Variants in CKAP2L observed in about 807,000 individuals in gnomAD.
CKAP2L encodes the protein cytoskeleton associated protein 2L.
In CKAP2L, 42 loss-of-function variants were observed where a neutral mutation model predicts 65.7. The ratio of observed to expected loss-of-function variants is 0.64; its 90% confidence interval spans 0.50 to 0.83. The LOEUF (loss-of-function observed/expected upper bound fraction) is 0.83, where lower values mean the gene tolerates loss of function less well. Ranked by LOEUF, CKAP2L falls within the 40% of genes least tolerant of loss-of-function variation. The pLI is 0.00. For missense variants in CKAP2L, 908 were observed against 871.0 expected (o/e 1.04, Z -0.53); for synonymous variants, 325 against 313.5 (o/e 1.04, Z -0.39).
At chr2:112,739,119 T>G in intron 8 of CKAP2L, 71 bp from the exon 9 acceptor site, 3 of 1,190,114 alleles carry the variant, frequency 2.5e-6, no homozygotes, top group Non-Finnish European at 3.6e-6. Context: ...TTTTTGTTTC[T>G]TATTCAATAA....
intron 1 of CKAP2L, chr2:112,764,140 C>A (rs558340141): frequency 1.7e-5 from 4 of 231,330 alleles, no homozygotes; most frequent in African/African-American, 6.9e-5. Flanking sequence ...CCGCCAGAGG[C>A]AGGAGACCCG....
Position 112,756,467 on chromosome 2 carries a change from C to G in CKAP2L, c.904G>C (p.Asp302His), listed in dbSNP as rs753907689. The G allele has an allele frequency of 6.8e-6, 11 of 1,611,666 alleles. No individual in the cohort carries two copies. Among genetic ancestry groups the G allele is most frequent in the Non-Finnish European group, 9.3e-6 (11 of 1,179,214 alleles). The change falls in exon 4 of 9, where the codon GAT becomes CAT. Residue 302 changes from aspartate (D) to histidine (H), a missense_variant. Transcript: ENST00000302450. ...TATTGACTCCTATTAACCTTTATATCTTTGATGTTCTTGACTACTGGTTTC... is the reference window on the plus strand; with the variant it reads ...TATTGACTCCTATTAACCTTTATATGTTTGATGTTCTTGACTACTGGTTTC... Reference protein sequence around the residue: ...SKKPVVKNIKDIKVNRSQYER... With the variant: ...SKKPVVKNIKHIKVNRSQYER...
At chr2:112,762,078 A>G (rs1680738373) in intron 2 of CKAP2L, among the ~76,000 whole-genome samples, 1 of 152,230 alleles carries the variant, frequency 6.6e-6, no homozygotes, top group Non-Finnish European at 1.5e-5. Context: ...AGAATGACCC[A>G]AGAGCAGAGG....
chr2:112,757,887 A>C (rs971508998), intron 3 of CKAP2L, among the ~76,000 whole-genome samples: 53 of 152,222 alleles, frequency 3.5e-4, no homozygotes, highest in Non-Finnish European at 6.5e-4. Context: ...TACATAATGA[A>C]CTTATGTTAG....
intron 4 of CKAP2L, among the ~76,000 whole-genome samples, chr2:112,755,533 G>C (rs1000933725): frequency 6.6e-6 from 1 of 152,042 alleles, no homozygotes; most frequent in African/African-American, 2.4e-5. Flanking sequence ...CAGACTCACG[G>C]AAGTTTCTGG....
intron 8 of CKAP2L, among the ~76,000 whole-genome samples, chr2:112,739,492 A>T (rs1448032454): frequency 6.6e-6 from 1 of 152,180 alleles, no homozygotes; most frequent in Non-Finnish European, 1.5e-5. Flanking sequence ...TGGTGTAAGC[A>T]TAAGGATTTA....
chr2:112,764,449 T>C (rs1435358999), intron 1 of CKAP2L, 113 bp downstream of exon 1: 31 of 1,207,530 alleles, frequency 2.6e-5, no homozygotes, highest in Non-Finnish European at 3.6e-5. Context: ...CAGGGGAAAC[T>C]TAGGCAGGCG....
chr2:112,737,547 G>A lies in CKAP2L; in HGVS notation c.*1276C>T, dbSNP rs909496313. ...TCTTCTTTGGAGAAATGTCTGCTCA[G>A]GTCCTTTGCCCATTTTTAATTATTA... On this transcript the variant is annotated 3_prime_UTR_variant, in exon 9 of 9. Coordinates refer to ENST00000302450, the MANE Select transcript of CKAP2L (RefSeq NM_152515.5). The A allele has an allele frequency of 5.3e-5, 8 of 152,104 alleles. No individual in the cohort carries two copies. The highest frequency in any genetic ancestry group is 1.2e-4 in the Non-Finnish European group (8 of 68,022). The allele number at this position is 152,104 out of a possible 1,614,324, so 9.4% of individuals were successfully genotyped here. A position where few individuals can be genotyped will look rare whatever the true frequency, so the allele number is the denominator to read the frequency against.
At chr2:112,753,526 C>CTTTTTTTTTTT (rs59027525) in intron 4 of CKAP2L, among the ~76,000 whole-genome samples, 16 of 100,392 alleles carry the variant, frequency 1.6e-4, no homozygotes, top group South Asian at 3.5e-4. Context: ...AGTTTCTTTT[C>CTTTTTTTTTTT]TTTTTTTTTT....
At position 112,740,833 on chromosome 2, in the gene CKAP2L, A is replaced by C; in HGVS notation, c.1997T>G (p.Ile666Ser). 6.2e-7 allele frequency: 1 copy of C among 1,611,074 alleles called. No individual in the cohort carries two copies. The highest frequency in any genetic ancestry group is 8.5e-7 in the Non-Finnish European group (1 of 1,177,530). Reference protein sequence around the residue: ...QHNYPGIKLQIGPIPRINGMP... With the variant: ...QHNYPGIKLQSGPIPRINGMP... The stretch of plus-strand genomic sequence containing the variant: ...GTTTGCTTACCTAGGGATTGGACCA[A>C]TCTGTAATTTGATACCAGGATAATT... Residue 666 changes from isoleucine to serine, a missense_variant, in exon 8 of 9, where the codon ATT becomes AGT. Coordinates refer to ENST00000302450, the MANE Select transcript of CKAP2L (RefSeq NM_152515.5).
chr2:112,750,198 A>T (rs1281516093), intron 5 of CKAP2L, among the ~76,000 whole-genome samples: 1 of 152,148 alleles, frequency 6.6e-6, no homozygotes, highest in Non-Finnish European at 1.5e-5. Flanking sequence ...AGTGGGTACA[A>T]GCTGCTTCCT....
intron 4 of CKAP2L, among the ~76,000 whole-genome samples, chr2:112,752,953 C>T (rs1477821934): frequency 1.3e-5 from 2 of 152,192 alleles, no homozygotes; most frequent in Non-Finnish European, 2.9e-5. Flanking sequence ...CTTGACCAGA[C>T]ATGACTCTTT....
At chr2:112,747,607 G>GT (rs1680241394) in intron 5 of CKAP2L, among the ~76,000 whole-genome samples, 1 of 151,982 alleles carries the variant, frequency 6.6e-6, no homozygotes, top group Non-Finnish European at 1.5e-5. Context: ...GGCTTGTGCC[G>GT]TAAGCAGGAC....
At chr2:112,764,459 G>A in intron 1 of CKAP2L, 103 bp downstream of exon 1, 2 of 1,296,210 alleles carry the variant, frequency 1.5e-6, no homozygotes, top group South Asian at 1.2e-5. Context: ...TTAGGCAGGC[G>A]AGCGGACGGG....
intron 5 of CKAP2L, among the ~76,000 whole-genome samples, chr2:112,748,811 G>A (rs1680281596): frequency 6.6e-6 from 1 of 151,264 alleles, no homozygotes; most frequent in African/African-American, 2.4e-5. Context: ...GTTGCAGTGA[G>A]CTATGATGGC....
rs1307752305 is a variant in CKAP2L at position 112,741,131 on chromosome 2, T to C, written c.1823-124A>G. On this transcript the variant is annotated intron_variant, in intron 7 of 8. Coordinates refer to ENST00000302450, the MANE Select transcript of CKAP2L (RefSeq NM_152515.5). ...AGTGATCTTCATGGGCTCCACATAC[T>C]GAATAGTGATTGATTTGAAGTGTGA... The C allele has an allele frequency of 8.8e-6, 6 of 684,264 alleles. No homozygotes were observed. In the East Asian group the frequency reaches 1.6e-4, roughly 18 times the overall value. 42.4% of individuals were successfully genotyped at this position (684,264 alleles called of 1,614,324 possible). A position where few individuals can be genotyped will look rare whatever the true frequency, so the allele number is the denominator to read the frequency against.
chr2:112,751,246 A>G (rs1005874136), intron 5 of CKAP2L, among the ~76,000 whole-genome samples: 4 of 152,248 alleles, frequency 2.6e-5, no homozygotes, highest in Non-Finnish European at 5.9e-5. Flanking sequence ...TCAGCATAAC[A>G]TTGGTACTAG....
At chr2:112,747,461 A>C (rs1401849913) in intron 5 of CKAP2L, among the ~76,000 whole-genome samples, 1 of 152,218 alleles carries the variant, frequency 6.6e-6, no homozygotes, top group Non-Finnish European at 1.5e-5. Flanking sequence ...TAGCAGTGTA[A>C]AGAATGACAC....
chr2:112,743,529 C>T (rs571286342), intron 6 of CKAP2L, among the ~76,000 whole-genome samples: 94 of 152,210 alleles, frequency 6.2e-4, no homozygotes, highest in African/African-American at 2.2e-3. Flanking sequence ...ACTCCACTTC[C>T]AGGGTTCAAG....
Sources: allele counts gnomAD v4.1 joint callset (sites outside exome capture counted in the v4.1 genomes callset), GRCh38; gene constraint gnomAD v4.1.1; transcripts MANE v1.5; gene names NCBI Gene and HGNC (gene_info 2026-07-23, HGNC 2026-07-21).